Variants in CLSTN2 observed in about 807,000 individuals in gnomAD.
The protein encoded by CLSTN2 is calsyntenin-2.
In CLSTN2, 48 loss-of-function variants were observed where a neutral mutation model predicts 101.2. The observed-to-expected ratio is 0.47, with a 90% CI of 0.38 to 0.60. CLSTN2 has a LOEUF of 0.60. Among genes scored for constraint, CLSTN2 ranks in the 20% least tolerant of loss-of-function variants. The pLI, the probability that CLSTN2 is intolerant of heterozygous loss-of-function variation, is 0.00. For missense variants in CLSTN2, 1,160 were observed against 1,238.2 expected (o/e 0.94, Z 0.95); for synonymous variants, 481 against 463.6 (o/e 1.04, Z -0.48).
intron 1 of CLSTN2, among the ~76,000 whole-genome samples, chr3:140,057,171 T>C (rs972400769): frequency 2.6e-5 from 4 of 152,146 alleles, no homozygotes; most frequent in Non-Finnish European, 4.4e-5. Flanking sequence ...AGCAAACCAA[T>C]ACACATCCAA....
At chr3:140,400,925 C>G (rs2088234476) in intron 2 of CLSTN2, among the ~76,000 whole-genome samples, 1 of 152,222 alleles carries the variant, frequency 6.6e-6, no homozygotes, top group Admixed American at 6.5e-5. Context: ...CCTGCCTTGC[C>G]TGACCAGGCC....
At chr3:140,279,372 G>A (rs56162195) in intron 2 of CLSTN2, among the ~76,000 whole-genome samples, 4,378 of 152,314 alleles carry the variant, frequency 0.029, 132 homozygotes, top group African/African-American at 0.071. Context: ...ATGTGGTTCA[G>A]GCCCACAAGT....
chr3:140,216,564 A>G (rs55835760), intron 2 of CLSTN2, among the ~76,000 whole-genome samples: 2,169 of 152,228 alleles, frequency 0.014, 16 homozygotes, highest in Non-Finnish European at 0.022. Flanking sequence ...TAAAAAACCA[A>G]ACCTCTCAGT....
chr3:140,138,529 C>A (rs1217549293), intron 1 of CLSTN2, among the ~76,000 whole-genome samples: 1 of 152,140 alleles, frequency 6.6e-6, no homozygotes, highest in Non-Finnish European at 1.5e-5. Flanking sequence ...CTGTGGAAAG[C>A]CAGGTAGATG....
chr3:140,351,916 G>A (rs1428236369), intron 2 of CLSTN2, among the ~76,000 whole-genome samples: 1 of 151,758 alleles, frequency 6.6e-6, no homozygotes, highest in Non-Finnish European at 1.5e-5. Context: ...GTACTGATAT[G>A]TGTAGATTAG....
chr3:140,213,886 T>G (rs768218211), intron 2 of CLSTN2, among the ~76,000 whole-genome samples: 8 of 152,132 alleles, frequency 5.3e-5, no homozygotes, highest in Admixed American at 1.3e-4. Context: ...CCAAGCTGAC[T>G]GAAGTAGAAG....
chr3:140,135,125 T>C (rs200107112), intron 1 of CLSTN2, among the ~76,000 whole-genome samples: 23,738 of 65,968 alleles, frequency 0.36, 3,858 homozygotes, highest in Non-Finnish European at 0.41. Flanking sequence ...CACATATATA[T>C]ATATATATAT....
chr3:140,160,575 T>C (rs2010029082), intron 1 of CLSTN2, among the ~76,000 whole-genome samples: 1 of 152,176 alleles, frequency 6.6e-6, no homozygotes, highest in African/African-American at 2.4e-5. Context: ...TCTAGGCCAG[T>C]GTTTACTGTC....
At position 140,101,382 on chromosome 3, in the gene CLSTN2, T is replaced by C. The variant is rs188771374; in HGVS notation, c.110-74569T>C. Among the ~76,000 whole-genome samples, 652 of 152,348 alleles carry C rather than the reference T, an allele frequency of 4.3e-3. 11 individuals are homozygous for C. The highest frequency in any genetic ancestry group is 0.037 in the Admixed American group (573 of 15,300). ...GTGTACATGTACATTAAAATGTTTG[T>C]ATGCATCTCATAGGAATTCAGGAAA... On this transcript the variant is annotated intron_variant, in intron 1 of 16. Transcript: ENST00000458420.
chr3:140,036,739 G>C (rs2107762119), intron 1 of CLSTN2, among the ~76,000 whole-genome samples: 1 of 151,470 alleles, frequency 6.6e-6, no homozygotes, highest in Middle Eastern at 3.4e-3. Context: ...TTTACAGGGG[G>C]CCCAACATCA....
At chr3:140,106,675 G>T (rs939123344) in intron 1 of CLSTN2, among the ~76,000 whole-genome samples, 2 of 152,164 alleles carry the variant, frequency 1.3e-5, no homozygotes, top group Non-Finnish European at 2.9e-5. Flanking sequence ...ACCATTCCAG[G>T]CTGGACAGTA....
At chr3:140,242,585 C>G (rs1196796857) in intron 2 of CLSTN2, among the ~76,000 whole-genome samples, 1 of 152,154 alleles carries the variant, frequency 6.6e-6, no homozygotes, top group Non-Finnish European at 1.5e-5. Context: ...ACTTTTTCCA[C>G]TTGGTTGGGA....
At chr3:140,199,249 G>A (rs2010688326) in intron 2 of CLSTN2, among the ~76,000 whole-genome samples, 1 of 152,182 alleles carries the variant, frequency 6.6e-6, no homozygotes, top group Admixed American at 6.5e-5. Flanking sequence ...GAGCAGCTAG[G>A]GCTCTTTTGA....
chr3:140,217,663 G>A (rs897224312), intron 2 of CLSTN2, among the ~76,000 whole-genome samples: 2 of 152,196 alleles, frequency 1.3e-5, no homozygotes, highest in African/African-American at 4.8e-5. Context: ...GACGTCCTAG[G>A]ATTTGTGGCA....
chr3:140,202,236 G>T (rs1163366626), intron 2 of CLSTN2, among the ~76,000 whole-genome samples: 1 of 152,176 alleles, frequency 6.6e-6, no homozygotes, highest in Non-Finnish European at 1.5e-5. Flanking sequence ...AGAGGTTACA[G>T]GGCTCAAGAG....
At chr3:140,115,117 T>C (rs1025608264) in intron 1 of CLSTN2, among the ~76,000 whole-genome samples, 2 of 152,226 alleles carry the variant, frequency 1.3e-5, no homozygotes, top group East Asian at 3.9e-4. Flanking sequence ...AGTTTATAGT[T>C]GAGGAAACTG....
At chr3:139,939,380 T>C (rs1461934518) in intron 1 of CLSTN2, among the ~76,000 whole-genome samples, 1 of 152,072 alleles carries the variant, frequency 6.6e-6, no homozygotes, top group Non-Finnish European at 1.5e-5. Flanking sequence ...AGCTAGAGGG[T>C]GTGGCACTGG....
intron 1 of CLSTN2, among the ~76,000 whole-genome samples, chr3:140,113,847 TGTGTGTGTGTATATATGTGTATAC>T (rs1225784251): frequency 2.0e-5 from 3 of 152,044 alleles, no homozygotes; most frequent in Admixed American, 6.6e-5. Flanking sequence ...ATGGAGCAAT[TGTGTGTGTGTATATATGTGTATAC>T]GTGTGTGTGA....
intron 2 of CLSTN2, among the ~76,000 whole-genome samples, chr3:140,227,885 C>T (rs1164474130): frequency 6.6e-6 from 1 of 152,180 alleles, no homozygotes; most frequent in Non-Finnish European, 1.5e-5. Flanking sequence ...ACACAGGACA[C>T]CAAGTCCCTA....
Sources: gnomAD v4.1 joint callset for allele counts (sites outside exome capture counted in the v4.1 genomes callset) on GRCh38, gnomAD v4.1.1 for gene constraint, MANE v1.5 for transcripts, NCBI Gene and HGNC (gene_info 2026-07-23, HGNC 2026-07-21) for gene names.